PASD1: variants seen among roughly 807,000 people sequenced by gnomAD.
The protein encoded by PASD1 is PAS domain containing repressor 1, also known as circadian clock protein PASD1.
PASD1 carries 13 observed loss-of-function variants against 58.8 expected under a neutral mutation model. That is an observed-to-expected ratio of 0.22 (90% CI 0.14 to 0.35). The LOEUF is 0.35. PASD1 is among the 10% of genes least tolerant of loss of function. PASD1 has a pLI of 1.00. For synonymous variants in PASD1, 236 were observed against 216.7 expected (o/e 1.09, Z -0.78); for missense variants, 734 against 568.3 (o/e 1.29, Z -2.96).
At chrX:151,591,627 C>T (rs769802018) in intron 1 of PASD1, among the ~76,000 whole-genome samples, 11 of 111,512 alleles carry the variant, frequency 9.9e-5, no homozygotes, top group Non-Finnish European at 1.9e-4. Flanking sequence ...GTTCTTTCAC[C>T]GACATAAGTT....
At chrX:151,655,925 T>A (rs1473904593) in intron 9 of PASD1, among the ~76,000 whole-genome samples, 2 of 112,253 alleles carry the variant, frequency 1.8e-5, no homozygotes. Context: ...ATGAAGTCCT[T>A]GCCCATACCT....
intron 7 of PASD1, 46 bp downstream of exon 7, chrX:151,623,110 T>C (rs1326411810): frequency 8.4e-7 from 1 of 1,190,587 alleles, no homozygotes; most frequent in Non-Finnish European, 1.1e-6. Flanking sequence ...CGATGTGGGC[T>C]TCCTTTGAAG....
chrX:151,599,870 G>T (rs749062308), intron 1 of PASD1, among the ~76,000 whole-genome samples: 3 of 111,830 alleles, frequency 2.7e-5, no homozygotes, highest in Non-Finnish European at 5.6e-5. Flanking sequence ...GGTGGCGGCC[G>T]GGCAGAGGCT....
chrX:151,668,556 A>T lies in PASD1; in HGVS notation c.1072-2482A>T, dbSNP rs191804152. ...CGCCAATCCCACAGAAATACAAACT[A>T]CCATCAGAGAATACTATAAACACCT... On this transcript the variant is annotated intron_variant, in intron 11 of 15. Coordinates refer to ENST00000370357, the MANE Select transcript of PASD1 (RefSeq NM_173493.3). 3.7e-3 allele frequency among the ~76,000 whole-genome samples: 408 copies of T among 111,464 alleles called. 1 individual carries two copies. The highest frequency in any genetic ancestry group is 0.013 in the African/African-American group (393 of 30,620).
intron 9 of PASD1, among the ~76,000 whole-genome samples, chrX:151,657,532 T>G (rs1030970550): frequency 3.6e-5 from 4 of 111,768 alleles, no homozygotes; most frequent in African/African-American, 1.3e-4. Context: ...TGCCTCAATT[T>G]CAGAGCCTGT....
intron 1 of PASD1, among the ~76,000 whole-genome samples, chrX:151,569,314 T>C (rs2012893650): frequency 8.9e-6 from 1 of 112,091 alleles, no homozygotes; most frequent in Non-Finnish European, 1.9e-5. Context: ...GGCTGTTTAC[T>C]CTTTTCCGTC....
intron 1 of PASD1, among the ~76,000 whole-genome samples, chrX:151,589,586 T>C (rs1221015072): frequency 8.9e-6 from 1 of 111,872 alleles, no homozygotes; most frequent in Non-Finnish European, 1.9e-5. Context: ...ATGTAGGTAT[T>C]ATAACCCCCA....
intron 7 of PASD1, among the ~76,000 whole-genome samples, chrX:151,624,071 C>G (rs34334667): frequency 0.32 from 35,502 of 110,364 alleles, 4,776 homozygotes; most frequent in African/African-American, 0.49. Flanking sequence ...TGAATACTGG[C>G]TGAGAAATGG....
intron 3 of PASD1, among the ~76,000 whole-genome samples, chrX:151,607,628 G>A (rs1020781227): frequency 8.9e-6 from 1 of 111,873 alleles, no homozygotes; most frequent in African/African-American, 3.3e-5. Flanking sequence ...AGTCTGTATA[G>A]GGGAGGAAGG....
intron 4 of PASD1, among the ~76,000 whole-genome samples, chrX:151,612,970 A>G (rs1364856094): frequency 8.9e-6 from 1 of 111,806 alleles, no homozygotes; most frequent in Non-Finnish European, 1.9e-5. Flanking sequence ...TTAAGTCTTT[A>G]AACCATCTTG....
chrX:151,614,377 C>T (rs138582048), intron 4 of PASD1, among the ~76,000 whole-genome samples: 1,135 of 111,285 alleles, frequency 0.01, 18 homozygotes, highest in African/African-American at 0.036. Flanking sequence ...AGCTAGATTA[C>T]TTCAATATAT....
intron 3 of PASD1, among the ~76,000 whole-genome samples, chrX:151,606,536 C>T (rs1036816071): frequency 9.0e-6 from 1 of 110,926 alleles, no homozygotes; most frequent in Non-Finnish European, 1.9e-5. Flanking sequence ...GTAGAGTAGC[C>T]GATTTCATCC....
At chrX:151,663,771 G>A (rs1306884849) in intron 10 of PASD1, among the ~76,000 whole-genome samples, 1 of 111,999 alleles carries the variant, frequency 8.9e-6, no homozygotes, top group Non-Finnish European at 1.9e-5. Flanking sequence ...ACCCGATTGT[G>A]CAGAAGTGAT....
At chrX:151,662,295 TAAA>T (rs981959949) in intron 10 of PASD1, among the ~76,000 whole-genome samples, 1 of 109,615 alleles carries the variant, frequency 9.1e-6, no homozygotes, top group Admixed American at 9.8e-5. Context: ...ATACCGTCAT[TAAA>T]AAAAAATTGT....
intron 8 of PASD1, among the ~76,000 whole-genome samples, chrX:151,645,002 G>C (rs759406281): frequency 5.4e-5 from 6 of 111,090 alleles, no homozygotes; most frequent in Non-Finnish European, 1.1e-4. Context: ...CTTTGGAGCT[G>C]CTAGTATCTA....
At chrX:151,667,406 T>C (rs1384727986) in intron 11 of PASD1, among the ~76,000 whole-genome samples, 7 of 111,749 alleles carry the variant, frequency 6.3e-5, no homozygotes, top group East Asian at 2.8e-4. Context: ...TTTGTCAATT[T>C]TGGCTTTTGT....
intron 6 of PASD1, 86 bp downstream of exon 6, chrX:151,621,678 A>G (rs1200155871): frequency 1.4e-5 from 8 of 571,492 alleles, no homozygotes; most frequent in Non-Finnish European, 2.1e-5. Flanking sequence ...TCTGCTTGGT[A>G]CTTGCAAACT....
At chrX:151,653,568 A>T (rs947297470) in intron 9 of PASD1, among the ~76,000 whole-genome samples, 2 of 110,407 alleles carry the variant, frequency 1.8e-5, no homozygotes, top group African/African-American at 6.6e-5. Context: ...GAGAGGAGTT[A>T]GGGATGACGT....
intron 11 of PASD1, among the ~76,000 whole-genome samples, chrX:151,666,864 T>G (rs2014390194): frequency 9.4e-6 from 1 of 106,213 alleles, no homozygotes; most frequent in African/African-American, 3.5e-5. Flanking sequence ...TGTGTCTTTA[T>G]AGCAGCATGA....
Sources: allele counts gnomAD v4.1 joint callset (sites outside exome capture counted in the v4.1 genomes callset), GRCh38; gene constraint gnomAD v4.1.1; transcripts MANE v1.5; gene names NCBI Gene and HGNC (gene_info 2026-07-23, HGNC 2026-07-21).